RIPPLY3: variants seen among roughly 807,000 people sequenced by gnomAD.
RIPPLY3 encodes the protein protein ripply3.
In RIPPLY3, 8 loss-of-function variants were observed where a neutral mutation model predicts 11.9. The observed-to-expected ratio is 0.67, with a 90% confidence interval of 0.40 to 1.21. RIPPLY3 has a LOEUF of 1.21. Among genes scored for constraint, RIPPLY3 ranks in the 50% most tolerant of loss-of-function variants. The pLI is 0.01. For synonymous variants in RIPPLY3, 102 were observed against 99.0 expected, an observed-to-expected ratio of 1.03 and a Z score of -0.18; for missense variants, 271 against 246.0, an observed-to-expected ratio of 1.10 and a Z score of -0.68.
chr21:37,018,479 C>A lies in RIPPLY3; in HGVS notation c.*272C>A. 2.3e-6 allele frequency: 1 copy of A among 440,750 alleles called. No homozygotes were observed. Among genetic ancestry groups the A allele is most frequent in the Non-Finnish European group, 4.1e-6 (1 of 245,498 alleles). 27.3% of individuals were successfully genotyped at this position (440,750 alleles called of 1,614,324 possible). A position where few individuals can be genotyped will look rare whatever the true frequency, so the allele number is the denominator to read the frequency against. On this transcript the variant is annotated 3_prime_UTR_variant, in exon 4 of 4. Transcript: ENST00000329553. ...TCAACAGAGTTGTTATCTCATAGAG[C>A]CAGTTTTCAAAGCTCCTTCTGCATT...
chr21:37,017,852 A>G (rs1310925545), intron 3 of RIPPLY3, 22 bp from the exon 4 acceptor site: 1 of 1,578,354 alleles, frequency 6.3e-7, no homozygotes, highest in Admixed American at 1.8e-5. Flanking sequence ...GATTAATGGT[A>G]TATTTGTTTC....
At position 37,017,998 on chromosome 21, in the gene RIPPLY3, G is replaced by A. The variant is rs759464387; in HGVS notation, c.364G>A (p.Glu122Lys). Residue 122 changes from glutamate to lysine, a missense_variant, in exon 4 of 4, where the codon GAA becomes AAA. Physicochemically the swap from Glu to Lys is moderately conservative, Grantham distance 56 (BLOSUM62 1). Transcript: ENST00000329553. ...YDDESTESAS[E>K]AEEPEEGPPP... ...CGATGAGTCTACTGAGTCTGCTTCC[G>A]AAGCTGAAGAGCCAGAGGAAGGACC... 39 of 1,613,996 alleles carry A rather than the reference G, an allele frequency of 2.4e-5. No individual in the cohort carries two copies. Among genetic ancestry groups the A allele is most frequent in the Admixed American group, 8.3e-5 (5 of 59,984 alleles).
upstream of RIPPLY3, chr21:37,006,494 C>A (rs967040992): frequency 6.5e-6 from 2 of 306,668 alleles, no homozygotes; most frequent in Non-Finnish European, 1.2e-5. The surrounding 1 kb of genome is among the most constrained non-coding windows in gnomAD (Gnocchi z 5.2). Context: ...CCTCCTTGAG[C>A]TTTTCTCGTC....
intron 2 of RIPPLY3, among the ~76,000 whole-genome samples, chr21:37,013,285 G>A (rs2226353): frequency 0.25 from 38,202 of 151,960 alleles, 4,960 homozygotes; most frequent in South Asian, 0.37. Flanking sequence ...ATACATGTGC[G>A]TCTCTGTCCA....
intron 2 of RIPPLY3, among the ~76,000 whole-genome samples, chr21:37,010,563 AC>A (rs2069511326): frequency 6.6e-6 from 1 of 152,196 alleles, no homozygotes; most frequent in Non-Finnish European, 1.5e-5. Flanking sequence ...TCTGAGCAGC[AC>A]GGTCACCCTC....
At position 37,018,979 on chromosome 21, in the gene RIPPLY3, C is replaced by T. The variant is rs913056115; in HGVS notation, c.*772C>T. On this transcript the variant is annotated 3_prime_UTR_variant, in exon 4 of 4. Transcript: ENST00000329553. Reference sequence around the variant, plus strand: ...AAAGTGCTGGGATTACAGGCGTGAGCCACTGAGCCCGGCCAAAAAAAAATG... The same window carrying T: ...AAAGTGCTGGGATTACAGGCGTGAGTCACTGAGCCCGGCCAAAAAAAAATG... 2 of 151,920 alleles carry T rather than the reference C, an allele frequency of 1.3e-5. No individual in the cohort carries two copies. The highest frequency in any genetic ancestry group is 3.9e-4 in the East Asian group (2 of 5,180). 9.4% of individuals were successfully genotyped at this position (151,920 alleles called of 1,614,324 possible).
At chr21:37,017,407 G>A (rs1219259507) in intron 3 of RIPPLY3, among the ~76,000 whole-genome samples, 1 of 152,054 alleles carries the variant, frequency 6.6e-6, no homozygotes, top group Non-Finnish European at 1.5e-5. Context: ...GGGTTTCAGA[G>A]ATGTCAGAGT....
chr21:37,015,664 C>T (rs947611627), intron 3 of RIPPLY3, among the ~76,000 whole-genome samples: 1 of 152,116 alleles, frequency 6.6e-6, no homozygotes, highest in Non-Finnish European at 1.5e-5. Context: ...GTTCTGAGCT[C>T]ATCATATTTA....
chr21:37,019,374 A>G lies in RIPPLY3; in HGVS notation c.*1167A>G, dbSNP rs1416571964. 1 of 151,850 alleles carries G rather than the reference A, an allele frequency of 6.6e-6. No individual in the cohort carries two copies. Among genetic ancestry groups the G allele is most frequent in the African/African-American group, 2.4e-5 (1 of 41,398 alleles). 9.4% of individuals were successfully genotyped at this position (151,850 alleles called of 1,614,324 possible). ...TGACTGTATAAGGAGGCCTGTGTGT[A>G]TGAATTTATAGGGAGTAGAACCGTC... On this transcript the variant is annotated 3_prime_UTR_variant, in exon 4 of 4. Transcript: ENST00000329553.
At chr21:37,011,597 G>C (rs1569286201) in intron 2 of RIPPLY3, among the ~76,000 whole-genome samples, 1 of 152,166 alleles carries the variant, frequency 6.6e-6, no homozygotes, top group Non-Finnish European at 1.5e-5. Context: ...ATCCCCCAAA[G>C]AGTGAACAAC....
At chr21:37,010,819 T>C (rs1225103085) in intron 2 of RIPPLY3, among the ~76,000 whole-genome samples, 1 of 152,200 alleles carries the variant, frequency 6.6e-6, no homozygotes, top group Non-Finnish European at 1.5e-5. Context: ...TGAAAGCCTC[T>C]CTGCACCTGT....
rs370601518 is a variant in RIPPLY3 at position 37,018,258 on chromosome 21, C to G, written c.*51C>G. 6.7e-7 allele frequency: 1 copy of G among 1,496,226 alleles called. No homozygotes were observed. The highest frequency in any genetic ancestry group is 1.4e-5 in the African/African-American group (1 of 72,760). 92.7% of individuals were successfully genotyped at this position (1,496,226 alleles called of 1,614,324 possible). A position where few individuals can be genotyped will look rare whatever the true frequency, so the allele number is the denominator to read the frequency against. ...CTCTGGGACCTGCCCCTCACGTTCT[C>G]TTGGGGACACCCGAGCCAGGACACT... On this transcript the variant is annotated 3_prime_UTR_variant, in exon 4 of 4. Transcript: ENST00000329553.
At chr21:37,015,486 G>T (rs2146778803) in intron 3 of RIPPLY3, among the ~76,000 whole-genome samples, 1 of 152,196 alleles carries the variant, frequency 6.6e-6, no homozygotes, top group Admixed American at 6.5e-5. Context: ...TTTTTGATTA[G>T]TTGAAAATGC....
At chr21:37,016,334 C>A (rs1002964468) in intron 3 of RIPPLY3, among the ~76,000 whole-genome samples, 1 of 152,068 alleles carries the variant, frequency 6.6e-6, no homozygotes, top group Non-Finnish European at 1.5e-5. Context: ...CAAATGTCCC[C>A]TCGAGGTCGA....
At chr21:37,010,945 T>C in intron 2 of RIPPLY3, among the ~76,000 whole-genome samples, 1 of 152,158 alleles carries the variant, frequency 6.6e-6, no homozygotes, top group East Asian at 1.9e-4. Context: ...GACATTTCCC[T>C]CAGCAGACAA....
At position 37,007,028 on chromosome 21, in the gene RIPPLY3, G is replaced by A. The variant is rs184217964; in HGVS notation, c.104+152G>A. On this transcript the variant is annotated intron_variant, in intron 1 of 3. Transcript: ENST00000329553. ...ACGGCGACGCCAAGCAAGCTCCTGA[G>A]CCGGCAGCCGGGTTCCCGGGAGGGG... is the stretch of plus-strand genomic sequence containing the variant. 1.4e-4 allele frequency: 59 copies of A among 430,262 alleles called. 2 individuals are homozygous for A. The highest frequency in any genetic ancestry group is 1.2e-3 in the East Asian group (29 of 24,656). The allele number at this position is 430,262 out of a possible 1,614,324, so 26.7% of individuals were successfully genotyped here.
intron 2 of RIPPLY3, among the ~76,000 whole-genome samples, chr21:37,012,212 TTTATTATTATTATTATTA>T (rs35315761): frequency 1.7e-4 from 23 of 132,510 alleles, no homozygotes; most frequent in South Asian, 1.3e-3. Flanking sequence ...CCGCTCCTTA[TTTATTATTATTATTATTA>T]TTATTATTAT....
At position 37,006,759 on chromosome 21, in the gene RIPPLY3, G is replaced by A; in HGVS notation, c.-14G>A. The A allele has an allele frequency of 8.2e-7, 1 of 1,226,260 alleles. No homozygotes were observed. Among genetic ancestry groups the A allele is most frequent in the South Asian group, 3.8e-5 (1 of 26,098 alleles). The allele number at this position is 1,226,260 out of a possible 1,614,324, so 76.0% of individuals were successfully genotyped here. On this transcript the variant is annotated 5_prime_UTR_variant, in exon 1 of 4. Transcript: ENST00000329553. The surrounding 1 kb of genome is among the most constrained non-coding windows in gnomAD (Gnocchi z 5.2). ...GCCGGCGCCGCAGCAAGGGGCGCGG[G>A]CTCCGCCGGCACCATGGAGCCCGAA... is the stretch of plus-strand genomic sequence containing the variant.
intron 3 of RIPPLY3, 57 bp downstream of exon 3, chr21:37,013,675 T>C (rs2069549796): frequency 8.0e-7 from 1 of 1,253,906 alleles, no homozygotes; most frequent in Non-Finnish European, 1.2e-6. Context: ...TAGGCATTAA[T>C]ATGCTTTAGT....
Sources: allele counts gnomAD v4.1 joint callset (sites outside exome capture counted in the v4.1 genomes callset), GRCh38; gene constraint gnomAD v4.1.1; non-coding constraint Gnocchi (gnomAD v3.1); transcripts MANE v1.5; gene names NCBI Gene and HGNC (gene_info 2026-07-23, HGNC 2026-07-21).